ADTRP: variants seen among roughly 807,000 people sequenced by gnomAD.
The protein encoded by ADTRP is androgen dependent TFPI regulating protein.
Under a neutral mutation model 27.0 loss-of-function variants are expected in ADTRP, and 20 were observed. The ratio of observed to expected loss-of-function variants is 0.74; its 90% CI spans 0.52 to 1.08. ADTRP has a LOEUF of 1.08. ADTRP is among the 50% of genes least tolerant of loss of function. ADTRP has a pLI of 0.00. For missense variants in ADTRP, 251 were observed against 275.0 expected (o/e 0.91, Z 0.62); for synonymous variants, 101 against 105.2 (o/e 0.96, Z 0.25).
chr6:11,758,713 TATA>T (rs1378815989), intron 3 of ADTRP, among the ~76,000 whole-genome samples: 1 of 151,442 alleles, frequency 6.6e-6, no homozygotes, highest in East Asian at 1.9e-4. Context: ...AAACTTAAAG[TATA>T]ATAATAATAA....
intron 3 of ADTRP, among the ~76,000 whole-genome samples, chr6:11,742,332 A>T (rs1438573916): frequency 6.6e-6 from 1 of 151,428 alleles, no homozygotes; most frequent in Non-Finnish European, 1.5e-5. Context: ...TAACTCTTTA[A>T]TTTTTTCTCT....
intron 3 of ADTRP, among the ~76,000 whole-genome samples, chr6:11,745,660 A>G (rs540787892): frequency 6.6e-6 from 1 of 152,382 alleles, no homozygotes; most frequent in East Asian, 1.9e-4. Flanking sequence ...CCCAAGCTGT[A>G]TCTAACGATC....
chr6:11,777,960 C>G (rs1020600812), intron 1 of ADTRP, among the ~76,000 whole-genome samples: 1 of 152,218 alleles, frequency 6.6e-6, no homozygotes, highest in Non-Finnish European at 1.5e-5. Context: ...TTCTCCCATT[C>G]ATTCACACTT....
At chr6:11,758,582 G>GC (rs1561767001) in intron 3 of ADTRP, among the ~76,000 whole-genome samples, 7 of 117,516 alleles carry the variant, frequency 6.0e-5, no homozygotes, top group African/African-American at 1.8e-4. Context: ...GGGTGGGGGG[G>GC]GGGGACGGAT....
intron 3 of ADTRP, among the ~76,000 whole-genome samples, chr6:11,764,828 G>A (rs1190039647): frequency 6.7e-6 from 1 of 148,222 alleles, no homozygotes; most frequent in East Asian, 2.0e-4. Flanking sequence ...CTCTAAAGAA[G>A]GCTGTGTGAA....
At position 11,765,475 on chromosome 6, in the gene ADTRP, G is replaced by C. The variant is rs541510538; in HGVS notation, c.390+799C>G. Among the ~76,000 whole-genome samples the C allele has an allele frequency of 2.2e-4, 33 of 151,900 alleles. 1 individual carries two copies. Among genetic ancestry groups the C allele is most frequent in the Non-Finnish European group, 2.4e-4 (16 of 67,946 alleles). On this transcript the variant is annotated intron_variant, in intron 3 of 5. Transcript: ENST00000414691. Reference sequence around the variant, plus strand: ...CCTGTGTAGCTGGGATTACAGGAGCGTGCCACCACACCCGGCTATCCCCTG... The same window carrying C: ...CCTGTGTAGCTGGGATTACAGGAGCCTGCCACCACACCCGGCTATCCCCTG...
chr6:11,724,311 A>G (rs933705321), intron 4 of ADTRP, among the ~76,000 whole-genome samples: 7 of 152,114 alleles, frequency 4.6e-5, no homozygotes, highest in Admixed American at 2.6e-4. Context: ...GCAGAGATAG[A>G]GCGTTATTGC....
At chr6:11,771,860 G>A (rs1763790856) in intron 1 of ADTRP, among the ~76,000 whole-genome samples, 3 of 152,164 alleles carry the variant, frequency 2.0e-5, no homozygotes, top group Non-Finnish European at 2.9e-5. Context: ...GGGAGAAGGC[G>A]GCCATCTGCA....
At chr6:11,746,803 A>G (rs951174414) in intron 3 of ADTRP, among the ~76,000 whole-genome samples, 1 of 152,154 alleles carries the variant, frequency 6.6e-6, no homozygotes, top group Admixed American at 6.5e-5. Context: ...TTGTGTTTCC[A>G]ATGAGCCTGT....
chr6:11,760,255 C>G (rs762196143), intron 3 of ADTRP, among the ~76,000 whole-genome samples: 5 of 152,180 alleles, frequency 3.3e-5, no homozygotes, highest in African/African-American at 9.7e-5. Flanking sequence ...ATCCTCCCCC[C>G]ACACACTCTC....
intron 4 of ADTRP, among the ~76,000 whole-genome samples, chr6:11,724,168 T>C (rs755536643): frequency 1.3e-4 from 20 of 152,182 alleles, no homozygotes; most frequent in Non-Finnish European, 2.5e-4. Flanking sequence ...AGGTATGGCC[T>C]GCTGAGACAT....
intron 1 of ADTRP, among the ~76,000 whole-genome samples, chr6:11,775,568 T>C (rs1419478653): frequency 6.6e-6 from 1 of 152,042 alleles, no homozygotes. Flanking sequence ...CAGTTTACTC[T>C]CTTATTAGGC....
At chr6:11,745,426 T>C (rs776430388) in intron 3 of ADTRP, among the ~76,000 whole-genome samples, 11 of 152,320 alleles carry the variant, frequency 7.2e-5, no homozygotes, top group Non-Finnish European at 1.6e-4. Flanking sequence ...TCAACTTACA[T>C]CTATTGTAAC....
chr6:11,719,638 G>T (rs1761947676), intron 5 of ADTRP, among the ~76,000 whole-genome samples: 1 of 152,158 alleles, frequency 6.6e-6, no homozygotes, highest in Non-Finnish European at 1.5e-5. Context: ...TGCTTGGCTG[G>T]TGACTTCAAA....
intron 1 of ADTRP, 62 bp downstream of exon 1, chr6:11,778,545 G>A (rs936112223): frequency 2.6e-6 from 4 of 1,522,780 alleles, no homozygotes; most frequent in African/African-American, 1.4e-5. Flanking sequence ...AAGATGATAT[G>A]TGTGGCAGCA....
rs139541009 is a variant in ADTRP at position 11,759,209 on chromosome 6, G to C, written c.390+7065C>G. The stretch of plus-strand genomic sequence containing the variant: ...GTTTAGCCAGCAATTCTCTTTGAGG[G>C]AACAGGGGCAGAGAGGGGAAGTGGA... On this transcript the variant is annotated intron_variant, in intron 3 of 5. Transcript: ENST00000414691. Among the ~76,000 whole-genome samples the C allele has an allele frequency of 5.3e-4, 81 of 152,336 alleles. No homozygotes were observed. In the South Asian group the frequency reaches 5.4e-3, roughly 10 times the overall value.
At chr6:11,739,099 C>CA (rs1415722458) in intron 3 of ADTRP, among the ~76,000 whole-genome samples, 8 of 151,506 alleles carry the variant, frequency 5.3e-5, no homozygotes, top group Non-Finnish European at 1.0e-4. Flanking sequence ...TTTTTGCTTC[C>CA]AAAAAATCTA....
intron 3 of ADTRP, among the ~76,000 whole-genome samples, chr6:11,747,734 C>G (rs1277321263): frequency 6.6e-6 from 1 of 152,182 alleles, no homozygotes; most frequent in African/African-American, 2.4e-5. Context: ...TCTCCCAGGG[C>G]CAGCAGCAGC....
intron 1 of ADTRP, among the ~76,000 whole-genome samples, chr6:11,770,552 G>A (rs1031302373): frequency 6.6e-6 from 1 of 152,120 alleles, no homozygotes; most frequent in African/African-American, 2.4e-5. Context: ...GAACGGCCGG[G>A]GGTAGAAGAG....
Sources: gnomAD v4.1 joint callset for allele counts (sites outside exome capture counted in the v4.1 genomes callset) on GRCh38, gnomAD v4.1.1 for gene constraint, MANE v1.5 for transcripts, NCBI Gene and HGNC (gene_info 2026-07-23, HGNC 2026-07-21) for gene names.